Variants in PITPNM2 observed in about 807,000 individuals in gnomAD.
The protein encoded by PITPNM2 is phosphatidylinositol transfer protein membrane associated 2.
In PITPNM2, 35 loss-of-function variants were observed where a neutral mutation model predicts 132.2. The ratio of observed to expected loss-of-function variants is 0.26; its 90% CI spans 0.20 to 0.35. The LOEUF (loss-of-function observed/expected upper bound fraction) is 0.35. Ranked by LOEUF, PITPNM2 falls within the 10% of genes least tolerant of loss-of-function variation. The pLI is 1.00. For missense variants in PITPNM2, 1,332 were observed against 1,912.0 expected, an observed-to-expected ratio of 0.70 and a Z score of 5.66; for synonymous variants, 738 against 799.2, an observed-to-expected ratio of 0.92 and a Z score of 1.29.
intron 2 of PITPNM2, among the ~76,000 whole-genome samples, chr12:123,044,063 A>C (rs1315346379): frequency 6.6e-6 from 1 of 152,126 alleles, no homozygotes; most frequent in East Asian, 1.9e-4. Flanking sequence ...CTAATTTAAC[A>C]CTGAGTATGG....
chr12:122,990,525 G>A lies in PITPNM2; in HGVS notation c.2569+20C>T. 1 of 1,611,670 alleles carries A rather than the reference G, an allele frequency of 6.2e-7. No individual in the cohort carries two copies. On this transcript the variant is annotated intron_variant, in intron 17 of 25. Transcript: ENST00000320201. The stretch of plus-strand genomic sequence containing the variant: ...ATGGCCCTGGCTGAGTGAGGAGGGT[G>A]AGGGGCCTGGTATACTCACTCTGGG...
rs2039722417 is a variant in PITPNM2 at position 123,022,848 on chromosome 12, G to A, written c.79-8806C>T. ...GGGGAGGTCTGTTCCTGAAGGAGGG[G>A]CACCGGCCAGATGCCACATCTACAC... On this transcript the variant is annotated intron_variant, in intron 3 of 25. Transcript: ENST00000320201. This position sits in a 1 kb window ranked among gnomAD's most constrained non-coding sequence, Gnocchi z 4.9. Among the ~76,000 whole-genome samples the A allele has an allele frequency of 6.6e-6, 1 of 152,218 alleles. No individual in the cohort carries two copies. The highest frequency in any genetic ancestry group is 6.5e-5 in the Admixed American group (1 of 15,278).
chr12:123,004,565 A>G lies in PITPNM2; in HGVS notation c.953-76T>C. On this transcript the variant is annotated intron_variant, in intron 7 of 25. Transcript: ENST00000320201. The surrounding 1 kb of genome is among the most constrained non-coding windows in gnomAD (Gnocchi z 4.9). ...AGGCTGCCCTGAGCCGGCAGGAGGCAGGGAGGGCCACCCACAGGCCTGACA... is the reference window on the plus strand; with the variant it reads ...AGGCTGCCCTGAGCCGGCAGGAGGCGGGGAGGGCCACCCACAGGCCTGACA... 1 of 1,406,080 alleles carries G rather than the reference A, an allele frequency of 7.1e-7. No homozygotes were observed. The highest frequency in any genetic ancestry group is 1.0e-6 in the Non-Finnish European group (1 of 998,392). The allele number at this position is 1,406,080 out of a possible 1,614,324, so 87.1% of individuals were successfully genotyped here.
rs987204396 is a variant in PITPNM2 at position 122,984,983 on chromosome 12, T to C, written c.*1044A>G. 6.6e-6 allele frequency: 1 copy of C among 152,124 alleles called. No homozygotes were observed. Among genetic ancestry groups the C allele is most frequent in the African/African-American group, 2.4e-5 (1 of 41,372 alleles). 9.4% of individuals were successfully genotyped at this position (152,124 alleles called of 1,614,324 possible). On this transcript the variant is annotated 3_prime_UTR_variant, in exon 26 of 26. Transcript: ENST00000320201. The stretch of plus-strand genomic sequence containing the variant: ...TTCGGCATGAAAACGGAATTGGCAT[T>C]AAAAAAACCGAAGTGTGTGCCCCAC...
chr12:122,989,661 T>C, intron 18 of PITPNM2, 126 bp downstream of exon 18: 3 of 952,864 alleles, frequency 3.1e-6, no homozygotes, highest in Non-Finnish European at 4.2e-6. Flanking sequence ...GATGGCCAAG[T>C]CCTCCCAGCC....
chr12:123,137,341 T>C (rs936232691), intron 1 of PITPNM2, among the ~76,000 whole-genome samples: 10 of 151,938 alleles, frequency 6.6e-5, no homozygotes, highest in Admixed American at 3.3e-4. Flanking sequence ...CTCTGGCAGA[T>C]AGAATCACAG....
At chr12:123,060,908 AG>A (rs1215821523) in intron 2 of PITPNM2, among the ~76,000 whole-genome samples, 4 of 152,172 alleles carry the variant, frequency 2.6e-5, no homozygotes, top group Non-Finnish European at 4.4e-5. Flanking sequence ...GGCCCAGAAA[AG>A]GGCAGACAGT....
rs1295575429 is a variant in PITPNM2, at chr12:123,095,373, A to G, written c.-96+15012T>C. 3.3e-5 allele frequency among the ~76,000 whole-genome samples: 5 copies of G among 152,176 alleles called. No homozygotes were observed. The highest frequency in any genetic ancestry group is 2.6e-4 in the Admixed American group (4 of 15,286). On this transcript the variant is annotated intron_variant, in intron 2 of 25. Coordinates refer to ENST00000320201, the MANE Select transcript of PITPNM2 (RefSeq NM_020845.3). The surrounding 1 kb of genome is among the most constrained non-coding windows in gnomAD (Gnocchi z 5.0). Reference sequence around the variant, plus strand: ...CTGCTGACGATTGCTCTGCGCTGCCATCTTTAGAAACAATCATTTCTTGGG... The same window carrying G: ...CTGCTGACGATTGCTCTGCGCTGCCGTCTTTAGAAACAATCATTTCTTGGG...
In PITPNM2 at chr12:123,058,399, C is replaced by T. The variant is rs950619669; in HGVS notation, c.-95-23714G>A. On this transcript the variant is annotated intron_variant, in intron 2 of 25. Transcript: ENST00000320201. The surrounding 1 kb of genome is among the most constrained non-coding windows in gnomAD (Gnocchi z 4.0). Reference sequence around the variant, plus strand: ...TCAGAGACAGCCTTCTAATTGGCCTCTATGTTTCCAGTTTGGTTCCTCTGA... The same window carrying T: ...TCAGAGACAGCCTTCTAATTGGCCTTTATGTTTCCAGTTTGGTTCCTCTGA... Among the ~76,000 whole-genome samples, 2 of 152,216 alleles carry T rather than the reference C, an allele frequency of 1.3e-5. No homozygotes were observed. The highest frequency in any genetic ancestry group is 2.4e-5 in the African/African-American group (1 of 41,450).
rs1410418010 is a variant in PITPNM2, at chr12:122,992,724, G to T, written c.2234-55C>A. On this transcript the variant is annotated intron_variant, in intron 15 of 25. Coordinates refer to ENST00000320201, the MANE Select transcript of PITPNM2 (RefSeq NM_020845.3). The surrounding 1 kb of genome is among the most constrained non-coding windows in gnomAD (Gnocchi z 6.5). ...GGGGCTGGCCCTGAGGAGCAGTGGT[G>T]GGGGTGGGAAATTTGGGAACTGGGC... The T allele has an allele frequency of 4.7e-5, 66 of 1,398,084 alleles. No homozygotes were observed. Among genetic ancestry groups the T allele is most frequent in the Non-Finnish European group, 6.0e-5 (62 of 1,034,974 alleles). 86.6% of individuals were successfully genotyped at this position (1,398,084 alleles called of 1,614,324 possible). A position where few individuals can be genotyped will look rare whatever the true frequency, so the allele number is the denominator to read the frequency against.
Position 123,058,717 on chromosome 12 carries a change from T to TA in PITPNM2, c.-95-24033dup, listed in dbSNP as rs1355452863. Among the ~76,000 whole-genome samples, 2 of 152,136 alleles carry TA rather than the reference T, an allele frequency of 1.3e-5. No individual in the cohort carries two copies. Among genetic ancestry groups the TA allele is most frequent in the Admixed American group, 1.3e-4 (2 of 15,272 alleles). ...CATTTGCTCAAGGCCCCAAGCGCTGTAGAAGCTGGTAACTGTTGCCTGAGG... is the reference window on the plus strand; with the variant it reads ...CATTTGCTCAAGGCCCCAAGCGCTGTAAGAAGCTGGTAACTGTTGCCTGAGG... On this transcript the variant is annotated intron_variant, in intron 2 of 25. Coordinates refer to ENST00000320201, the MANE Select transcript of PITPNM2 (RefSeq NM_020845.3). This position sits in a 1 kb window ranked among gnomAD's most constrained non-coding sequence, Gnocchi z 4.0.
chr12:123,150,356 C>CTCTGGG lies in PITPNM2; in HGVS notation c.-200+396_-200+397insCCCAGA, dbSNP rs1490190143. Among the ~76,000 whole-genome samples the CTCTGGG allele has an allele frequency of 2.0e-5, 3 of 152,124 alleles. No homozygotes were observed. Among genetic ancestry groups the CTCTGGG allele is most frequent in the African/African-American group, 2.4e-5 (1 of 41,538 alleles). ...AAGCAGAGAAGGCGGGCCGGGGGCT[C>CTCTGGG]ACCTCCGCTTCCTCCCGATAGCCCC... On this transcript the variant is annotated intron_variant, in intron 1 of 25. Transcript: ENST00000320201. This position sits in a 1 kb window ranked among gnomAD's most constrained non-coding sequence, Gnocchi z 6.0.
chr12:123,132,227 T>C (rs1258723286), intron 1 of PITPNM2, among the ~76,000 whole-genome samples: 1 of 152,230 alleles, frequency 6.6e-6, no homozygotes, highest in Non-Finnish European at 1.5e-5. Context: ...TGCACAAGCG[T>C]TGCAGAGACA....
chr12:123,128,000 A>T (rs1185844295), intron 1 of PITPNM2, among the ~76,000 whole-genome samples: 1 of 152,092 alleles, frequency 6.6e-6, no homozygotes, highest in Non-Finnish European at 1.5e-5. Context: ...TGCAACAGAC[A>T]TTAAAAGGAA....
At chr12:123,025,068 C>T (rs190495573) in intron 3 of PITPNM2, among the ~76,000 whole-genome samples, 72 of 152,330 alleles carry the variant, frequency 4.7e-4, no homozygotes, top group Non-Finnish European at 7.8e-4. Context: ...TGTCCCTCCC[C>T]GTGTCCAAAA....
At chr12:122,989,090 A>G (rs2038069588) in intron 18 of PITPNM2, among the ~76,000 whole-genome samples, 1 of 152,146 alleles carries the variant, frequency 6.6e-6, no homozygotes, top group African/African-American at 2.4e-5. Context: ...AGCCCTGCTG[A>G]GGGGCTCCTG....
chr12:123,063,207 T>A (rs2041307046), intron 2 of PITPNM2, among the ~76,000 whole-genome samples: 1 of 152,114 alleles, frequency 6.6e-6, no homozygotes, highest in Non-Finnish European at 1.5e-5. Flanking sequence ...CGGCAGGGCT[T>A]GGTGGTTGAG....
chr12:123,049,922 A>G (rs2040803364), intron 2 of PITPNM2, among the ~76,000 whole-genome samples: 1 of 152,264 alleles, frequency 6.6e-6, no homozygotes, highest in Non-Finnish European at 1.5e-5. Context: ...AACCCTCTGC[A>G]GGCAGATAAC....
chr12:122,997,042 T>C, intron 11 of PITPNM2, 132 bp from the exon 12 acceptor site: 1 of 1,016,302 alleles, frequency 9.8e-7, no homozygotes, highest in Non-Finnish European at 1.4e-6. Context: ...AGGGCCTGGA[T>C]AGGCTTGGGG....
Sources: allele counts gnomAD v4.1 joint callset (sites outside exome capture counted in the v4.1 genomes callset), GRCh38; gene constraint gnomAD v4.1.1; non-coding constraint Gnocchi (gnomAD v3.1); transcripts MANE v1.5; gene names NCBI Gene and HGNC (gene_info 2026-07-23, HGNC 2026-07-21).